Variants in GBE1 observed in about 807,000 individuals in gnomAD.
GBE1 encodes the protein 1,4-alpha-glucan-branching enzyme.
A neutral mutation model predicts 88.8 loss-of-function variants in GBE1; 70 were observed. The ratio of observed to expected loss-of-function variants is 0.79; its 90% CI spans 0.65 to 0.96. The LOEUF (loss-of-function observed/expected upper bound fraction) is 0.96, where lower values mean the gene tolerates loss of function less well. Among genes scored for constraint, GBE1 ranks in the 40% least tolerant of loss-of-function variants. The probability of loss-of-function intolerance (pLI) is 0.00; values close to 1 mark genes in which losing one functional copy is unlikely to be tolerated. For synonymous variants in GBE1, 284 were observed against 300.1 expected (o/e 0.95, Z 0.56); for missense variants, 872 against 871.0 (o/e 1.00, Z -0.01).
intron 6 of GBE1, among the ~76,000 whole-genome samples, chr3:81,644,904 G>A (rs1012464396): frequency 6.6e-6 from 1 of 151,532 alleles, no homozygotes; most frequent in Non-Finnish European, 1.5e-5. Context: ...GTGTAGGGAG[G>A]AACAGAAAGG....
intron 7 of GBE1, among the ~76,000 whole-genome samples, chr3:81,631,590 A>AC (rs1553687373): frequency 3.3e-5 from 5 of 151,386 alleles, no homozygotes; most frequent in Admixed American, 2.6e-4. Flanking sequence ...AAAAAAAAAA[A>AC]CAAAAAATTA....
chr3:81,702,291 G>GCAT (rs1705710561), intron 2 of GBE1, among the ~76,000 whole-genome samples: 2 of 151,774 alleles, frequency 1.3e-5, no homozygotes, highest in South Asian at 4.2e-4. Context: ...CCTTCTAAAT[G>GCAT]CATCATTGGC....
At chr3:81,608,751 A>C (rs1439603011) in intron 7 of GBE1, among the ~76,000 whole-genome samples, 1 of 152,210 alleles carries the variant, frequency 6.6e-6, no homozygotes, top group African/African-American at 2.4e-5. Flanking sequence ...TAATGTGTCC[A>C]GTGCTTTATC....
chr3:81,523,179 ATAT>A (rs1035072044), intron 14 of GBE1, among the ~76,000 whole-genome samples: 7 of 150,356 alleles, frequency 4.7e-5, no homozygotes, highest in African/African-American at 1.5e-4. Context: ...TATAATACAT[ATAT>A]TATTATGTAT....
intron 2 of GBE1, among the ~76,000 whole-genome samples, chr3:81,680,402 A>G (rs1705322416): frequency 6.6e-6 from 1 of 151,104 alleles, no homozygotes; most frequent in Non-Finnish European, 1.5e-5. Flanking sequence ...AAGCTGAGGC[A>G]GGAGAATGGC....
intron 9 of GBE1, among the ~76,000 whole-genome samples, chr3:81,587,689 T>A (rs1267709729): frequency 3.9e-5 from 6 of 152,162 alleles, no homozygotes; most frequent in Admixed American, 6.6e-5. Flanking sequence ...CCTAAGAATC[T>A]AGACTAGTTT....
chr3:81,530,900 C>A (rs768238722), intron 14 of GBE1, among the ~76,000 whole-genome samples: 9 of 151,856 alleles, frequency 5.9e-5, no homozygotes, highest in South Asian at 4.2e-4. Context: ...GGGTCCTTCC[C>A]TTTAGGGCAG....
At chr3:81,695,688 A>G (rs1343778644) in intron 2 of GBE1, among the ~76,000 whole-genome samples, 1 of 152,250 alleles carries the variant, frequency 6.6e-6, no homozygotes, top group Non-Finnish European at 1.5e-5. Flanking sequence ...TGAAAAAGAA[A>G]GAAATAAAAT....
intron 7 of GBE1, among the ~76,000 whole-genome samples, chr3:81,619,985 T>A (rs1306368252): frequency 1.3e-5 from 2 of 152,030 alleles, no homozygotes; most frequent in Non-Finnish European, 2.9e-5. Context: ...TATACATTTA[T>A]GAGCTAAAAT....
intron 1 of GBE1, among the ~76,000 whole-genome samples, chr3:81,754,186 T>C (rs1706571831): frequency 6.6e-6 from 1 of 151,878 alleles, no homozygotes; most frequent in Admixed American, 6.6e-5. Flanking sequence ...GAAAGATAAA[T>C]CCAGAAAGCA....
chr3:81,586,261 A>G lies in GBE1; in HGVS notation c.1237-71T>C, dbSNP rs749426613. 6.9e-4 allele frequency: 641 copies of G among 925,354 alleles called. 11 individuals are homozygous for G. The Middle Eastern group carries it at 0.031, about 45-fold the overall frequency. The allele number at this position is 925,354 out of a possible 1,614,324, so 57.3% of individuals were successfully genotyped here. ...TATTCTGACTGTAAAGCCCAGGTCA[A>G]TAAATGAAAACAATAATAGGGGAAT... On this transcript the variant is annotated intron_variant, in intron 9 of 15. Coordinates refer to ENST00000429644, the MANE Select transcript of GBE1 (RefSeq NM_000158.4).
At chr3:81,635,593 T>C (rs1182098938) in intron 7 of GBE1, among the ~76,000 whole-genome samples, 1 of 152,180 alleles carries the variant, frequency 6.6e-6, no homozygotes, top group Non-Finnish European at 1.5e-5. Context: ...AAAATAGACA[T>C]GTTTAAACAA....
intron 1 of GBE1, among the ~76,000 whole-genome samples, chr3:81,734,248 A>G (rs1347899682): frequency 2.0e-5 from 3 of 152,192 alleles, no homozygotes; most frequent in Non-Finnish European, 4.4e-5. Flanking sequence ...AAAAACTTCA[A>G]TTAAAAAAAT....
At chr3:81,610,001 C>T (rs749403191) in intron 7 of GBE1, among the ~76,000 whole-genome samples, 1 of 152,024 alleles carries the variant, frequency 6.6e-6, no homozygotes, top group African/African-American at 2.4e-5. Flanking sequence ...AATAAAGATA[C>T]AAATGTGAGG....
intron 1 of GBE1, among the ~76,000 whole-genome samples, chr3:81,713,616 A>G (rs1392626098): frequency 6.6e-6 from 1 of 152,170 alleles, no homozygotes; most frequent in Non-Finnish European, 1.5e-5. Context: ...CTCCTCTTAG[A>G]CAAGAGTGAG....
At chr3:81,611,098 G>A (rs903112106) in intron 7 of GBE1, among the ~76,000 whole-genome samples, 6 of 151,042 alleles carry the variant, frequency 4.0e-5, no homozygotes, top group South Asian at 2.1e-4. Context: ...TTTTTCCCCT[G>A]CTACCTTGTA....
intron 1 of GBE1, among the ~76,000 whole-genome samples, chr3:81,735,335 T>G (rs532115872): frequency 2.0e-5 from 3 of 152,214 alleles, no homozygotes; most frequent in African/African-American, 7.2e-5. Flanking sequence ...GTGCAATGTT[T>G]GTAGGGATGT....
At chr3:81,727,479 T>C (rs994178055) in intron 1 of GBE1, among the ~76,000 whole-genome samples, 6 of 152,198 alleles carry the variant, frequency 3.9e-5, no homozygotes, top group Non-Finnish European at 7.4e-5. Context: ...TAATTTGAAT[T>C]GTTATAGATT....
intron 6 of GBE1, among the ~76,000 whole-genome samples, chr3:81,643,321 T>A (rs1704718269): frequency 6.6e-6 from 1 of 152,184 alleles, no homozygotes; most frequent in South Asian, 2.1e-4. Flanking sequence ...CCTGCTCTGT[T>A]TGCCCACTGC....
Sources: allele counts gnomAD v4.1 joint callset (sites outside exome capture counted in the v4.1 genomes callset), GRCh38; gene constraint gnomAD v4.1.1; transcripts MANE v1.5; gene names NCBI Gene and HGNC (gene_info 2026-07-23, HGNC 2026-07-21).